PARD3B: variants seen among roughly 807,000 people sequenced by gnomAD.
PARD3B encodes par-3 family cell polarity regulator beta.
PARD3B carries 103 observed loss-of-function variants against 130.2 expected under a neutral mutation model. That is an observed-to-expected ratio of 0.79 (90% CI 0.67 to 0.93). The LOEUF (loss-of-function observed/expected upper bound fraction) is 0.93. Among genes scored for constraint, PARD3B ranks in the 40% least tolerant of loss-of-function variants. The pLI, the probability that PARD3B is intolerant of heterozygous loss-of-function variation, is 0.00. For synonymous variants in PARD3B, 583 were observed against 553.2 expected (o/e 1.05, Z -0.76); for missense variants, 1,609 against 1,499.2 (o/e 1.07, Z -1.21).
chr2:205,500,144 G>A lies in PARD3B; in HGVS notation c.3180+113G>A, dbSNP rs774552695. Reference sequence around the variant, plus strand: ...TACCAGATTCTATTTAGGTTTCTTGGGCTTCATAGACAGGAACATTACCCA... The same window carrying A: ...TACCAGATTCTATTTAGGTTTCTTGAGCTTCATAGACAGGAACATTACCCA... On this transcript the variant is annotated intron_variant, in intron 21 of 22. Coordinates refer to ENST00000406610, the MANE Select transcript of PARD3B (RefSeq NM_001302769.2). The A allele has an allele frequency of 4.0e-6, 5 of 1,246,362 alleles. No homozygotes were observed. In the South Asian group the frequency reaches 8.3e-5, roughly 21 times the overall value. 77.2% of individuals were successfully genotyped at this position (1,246,362 alleles called of 1,614,324 possible). A position where few individuals can be genotyped will look rare whatever the true frequency, so the allele number is the denominator to read the frequency against.
At chr2:205,347,120 G>A (rs139479997) in intron 18 of PARD3B, among the ~76,000 whole-genome samples, 35 of 152,222 alleles carry the variant, frequency 2.3e-4, no homozygotes, top group African/African-American at 7.7e-4. Context: ...TCCCACTGCT[G>A]CCAAAGGTGC....
At chr2:204,766,807 C>CAAA (rs57504030) in intron 2 of PARD3B, among the ~76,000 whole-genome samples, 4,316 of 141,786 alleles carry the variant, frequency 0.03, 101 homozygotes, top group East Asian at 0.16. Context: ...TTTTGTAAAT[C>CAAA]AAAAAAAAAA....
rs1296111623 is a variant in PARD3B at position 205,592,591 on chromosome 2, C to T, written c.3261-22865C>T. 6.6e-6 allele frequency among the ~76,000 whole-genome samples: 1 copy of T among 152,158 alleles called. No individual in the cohort carries two copies. Among genetic ancestry groups the T allele is most frequent in the Non-Finnish European group, 1.5e-5 (1 of 68,046 alleles). ...ACAATGGTTATTGATTCCATAGAGG[C>T]AGAATGTTTCCCATACAACTATAAT... On this transcript the variant is annotated intron_variant, in intron 22 of 22. Coordinates refer to ENST00000406610, the MANE Select transcript of PARD3B (RefSeq NM_001302769.2). This position sits in a 1 kb window ranked among gnomAD's most constrained non-coding sequence, Gnocchi z 4.5.
chr2:205,515,891 T>A (rs2050774759), intron 21 of PARD3B, among the ~76,000 whole-genome samples: 1 of 152,166 alleles, frequency 6.6e-6, no homozygotes, highest in Admixed American at 6.5e-5. Context: ...TCCAGGATGG[T>A]ATTGCCTGGG....
At position 205,280,746 on chromosome 2, in the gene PARD3B, T is replaced by G. The variant is rs1275930671; in HGVS notation, c.2186-19784T>G. On this transcript the variant is annotated intron_variant, in intron 16 of 22. Coordinates refer to ENST00000406610, the MANE Select transcript of PARD3B (RefSeq NM_001302769.2). The surrounding 1 kb of genome is among the most constrained non-coding windows in gnomAD (Gnocchi z 4.7). Reference sequence around the variant, plus strand: ...TAATTGCCACTTGGCTAACAAACATTTGATACTTGTCTTGGGTAGAATTTG... The same window carrying G: ...TAATTGCCACTTGGCTAACAAACATGTGATACTTGTCTTGGGTAGAATTTG... Among the ~76,000 whole-genome samples the G allele has an allele frequency of 1.3e-5, 2 of 152,234 alleles. No homozygotes were observed. The highest frequency in any genetic ancestry group is 2.9e-5 in the Non-Finnish European group (2 of 68,034).
intron 3 of PARD3B, among the ~76,000 whole-genome samples, chr2:204,971,834 ATTTTTTTTTT>A (rs3038727): frequency 3.0e-5 from 4 of 131,220 alleles, no homozygotes; most frequent in Non-Finnish European, 6.4e-5. Flanking sequence ...TTTTGTTTTA[ATTTTTTTTTT>A]TTTTTTTTTG....
chr2:204,899,466 A>G (rs2046779630), intron 2 of PARD3B, among the ~76,000 whole-genome samples: 1 of 152,170 alleles, frequency 6.6e-6, no homozygotes, highest in Admixed American at 6.5e-5. Flanking sequence ...ACAGCTTACC[A>G]CTGATTGCGT....
chr2:205,135,126 G>T (rs2032369755), intron 10 of PARD3B, among the ~76,000 whole-genome samples: 1 of 152,116 alleles, frequency 6.6e-6, no homozygotes, highest in Non-Finnish European at 1.5e-5. Context: ...TTATATATTT[G>T]AACAGCTCGG....
At chr2:205,179,955 T>C (rs370649920) in intron 13 of PARD3B, among the ~76,000 whole-genome samples, 1 of 152,138 alleles carries the variant, frequency 6.6e-6, no homozygotes, top group Non-Finnish European at 1.5e-5. Flanking sequence ...ATATCTTCTG[T>C]ACAAATAGAG....
At chr2:204,733,841 T>C (rs960172341) in intron 2 of PARD3B, among the ~76,000 whole-genome samples, 1 of 152,126 alleles carries the variant, frequency 6.6e-6, no homozygotes, top group Non-Finnish European at 1.5e-5. Flanking sequence ...CTCCATTCAA[T>C]ACAAAATTCA....
rs181629100 is a variant in PARD3B, at chr2:204,983,409, C to T, written c.394+18086C>T. On this transcript the variant is annotated intron_variant, in intron 3 of 22. Transcript: ENST00000406610. ...TAAGCATGGTGGCTGTGGGGGGAGT[C>T]GGGAGAGGAAGGGGGGAGGAGAGAA... 4.2e-4 allele frequency among the ~76,000 whole-genome samples: 46 copies of T among 108,500 alleles called. 1 individual carries two copies. The highest frequency in any genetic ancestry group is 7.0e-4 in the Non-Finnish European group (38 of 54,230). The allele number at this position is 108,500 out of a possible 152,430, so 71.2% of individuals were successfully genotyped here.
chr2:204,962,699 A>G (rs1029854361), intron 2 of PARD3B, among the ~76,000 whole-genome samples: 3 of 152,324 alleles, frequency 2.0e-5, no homozygotes, highest in East Asian at 3.9e-4. Flanking sequence ...CCAGTTATCA[A>G]TGTTGAAACA....
Position 205,113,389 on chromosome 2 carries a change from CAG to C in PARD3B, c.594-101_594-100del, listed in dbSNP as rs200294145. 1.7e-3 allele frequency: 967 copies of C among 562,726 alleles called. 6 individuals are homozygous for C. Among genetic ancestry groups the C allele is most frequent in the East Asian group, 4.2e-3 (144 of 34,048 alleles). 34.9% of individuals were successfully genotyped at this position (562,726 alleles called of 1,614,324 possible). On this transcript the variant is annotated intron_variant, in intron 5 of 22. Transcript: ENST00000406610. ...TTGTATTAGTTGATATAATCCTGAG[CAG>C]GGGTGTGTGTGTGTGTGTGTGTGTG...
chr2:204,931,260 C>A (rs1688009878), intron 2 of PARD3B, among the ~76,000 whole-genome samples: 1 of 152,100 alleles, frequency 6.6e-6, no homozygotes, highest in Non-Finnish European at 1.5e-5. Context: ...AATTTCTTCA[C>A]CATTTTAAGG....
chr2:204,998,340 ATATATATATATATATATATGTG>A (rs1559341252), intron 3 of PARD3B, among the ~76,000 whole-genome samples: 7 of 82,056 alleles, frequency 8.5e-5, no homozygotes, highest in South Asian at 6.5e-4. Context: ...ATATATATAT[ATATATATATATATATATATGTG>A]TGTGTGTGTG....
rs2053719764 is a variant in PARD3B, at chr2:205,575,374, CATCATA to C, written c.3260+21976_3260+21981del. On this transcript the variant is annotated intron_variant, in intron 22 of 22. Coordinates refer to ENST00000406610, the MANE Select transcript of PARD3B (RefSeq NM_001302769.2). The surrounding 1 kb of genome is among the most constrained non-coding windows in gnomAD (Gnocchi z 4.6). Reference sequence around the variant, plus strand: ...TACATCTGATGACCCTGCATTGACACATCATAATCACCCAAAGCCCATAGTTTACAT... The same window carrying C: ...TACATCTGATGACCCTGCATTGACACATCACCCAAAGCCCATAGTTTACAT... Among the ~76,000 whole-genome samples, 1 of 151,818 alleles carries C rather than the reference CATCATA, an allele frequency of 6.6e-6. No homozygotes were observed. The highest frequency in any genetic ancestry group is 2.4e-5 in the African/African-American group (1 of 41,332).
At chr2:205,022,011 T>C (rs1696648222) in intron 3 of PARD3B, among the ~76,000 whole-genome samples, 1 of 152,168 alleles carries the variant, frequency 6.6e-6, no homozygotes, top group Non-Finnish European at 1.5e-5. Context: ...ACAAATTCAG[T>C]TTTTTATTAC....
intron 2 of PARD3B, among the ~76,000 whole-genome samples, chr2:204,884,294 A>T (rs950926590): frequency 2.0e-5 from 3 of 152,240 alleles, no homozygotes; most frequent in Admixed American, 6.5e-5. Context: ...CTTGACTAAG[A>T]AAAAAGGAAA....
At chr2:205,548,706 T>A (rs1026333864) in intron 21 of PARD3B, among the ~76,000 whole-genome samples, 6 of 152,160 alleles carry the variant, frequency 3.9e-5, no homozygotes, top group African/African-American at 1.2e-4. Context: ...TGACCTAGGG[T>A]TTGATGGTGA....
Sources: allele counts gnomAD v4.1 joint callset (sites outside exome capture counted in the v4.1 genomes callset), GRCh38; gene constraint gnomAD v4.1.1; non-coding constraint Gnocchi (gnomAD v3.1); transcripts MANE v1.5; gene names NCBI Gene and HGNC (gene_info 2026-07-23, HGNC 2026-07-21).